IPO4: variants seen among roughly 807,000 people sequenced by gnomAD.
The protein encoded by IPO4 is importin-4.
Under a neutral mutation model 133.5 loss-of-function variants are expected in IPO4, and 91 were observed. The observed-to-expected ratio is 0.68, with a 90% CI of 0.58 to 0.81. The LOEUF is 0.81. IPO4 is among the 30% of genes least tolerant of loss of function. The probability of loss-of-function intolerance (pLI) is 0.00; values close to 1 mark genes in which losing one functional copy is unlikely to be tolerated. For missense variants in IPO4, 1,279 were observed against 1,386.2 expected (o/e 0.92, Z 1.23); for synonymous variants, 607 against 581.6 (o/e 1.04, Z -0.63).
At position 24,188,204 on chromosome 14, in the gene IPO4, G is replaced by A. The variant is rs751702978; in HGVS notation, c.278+12C>T. The A allele has an allele frequency of 1.2e-6, 2 of 1,612,142 alleles. No homozygotes were observed. Among genetic ancestry groups the A allele is most frequent in the South Asian group, 2.2e-5 (2 of 90,720 alleles). ...GTCGTCAAGATCCCGAGAGAAGTGG[G>A]TAGGTACTTACTCTGTTTCTCTCTG... On this transcript the variant is annotated intron_variant, in intron 4 of 29. Coordinates refer to ENST00000354464, the MANE Select transcript of IPO4 (RefSeq NM_024658.4).
rs770392410 is a variant in IPO4, at chr14:24,187,164, C to G, written c.589-14G>C. The G allele has an allele frequency of 8.7e-6, 14 of 1,612,800 alleles. 1 individual carries two copies. In the South Asian group the frequency reaches 1.5e-4, roughly 18 times the overall value. ...CCGAGCGAGAGGCTGAGGGACACAT[C>G]ACAGAGAGCATGATGCAGCCCAATC... On this transcript the variant is annotated splice_polypyrimidine_tract_variant and intron_variant, in intron 6 of 29. Transcript: ENST00000354464.
rs372882135 is a variant in IPO4 at position 24,181,573 on chromosome 14, C to G, written c.2985G>C (p.Leu995Phe). The change falls in exon 28 of 30, where the codon TTG (leucine) becomes TTC (phenylalanine). Residue 995 changes from leucine to phenylalanine, a missense_variant. Transcript: ENST00000354464. ...LLHALPLKED[L>F]EEWVTIGRLF... is the part of the protein sequence containing the mutation. ...GGCGCCCAATGGTGACCCACTCCTC[C>G]AAGTCCTCCTTCAGTGGCAGGGCAT... 1.8e-5 allele frequency: 29 copies of G among 1,611,354 alleles called. No individual in the cohort carries two copies. Among genetic ancestry groups the G allele is most frequent in the Non-Finnish European group, 2.3e-5 (27 of 1,178,884 alleles).
At position 24,183,494 on chromosome 14, in the gene IPO4, T is replaced by C. The variant is rs560973696; in HGVS notation, c.2083A>G (p.Met695Val). The C allele has an allele frequency of 2.2e-5, 35 of 1,613,596 alleles. No homozygotes were observed. Among genetic ancestry groups the C allele is most frequent in the Non-Finnish European group, 2.9e-5 (34 of 1,179,824 alleles). The change falls in exon 21 of 30, where the codon ATG (methionine) becomes GTG (valine). Residue 695 changes from methionine to valine, a missense_variant. Transcript: ENST00000354464. Reference protein sequence around the residue: ...VNTSVAFLPYMESVFEEVFKL... With the variant: ...VNTSVAFLPYVESVFEEVFKL... ...AATACTTCTTCAAAGACACTTTCCA[T>C]GTATGGAAGGAAGGCCACACTACAG...
chr14:24,184,038 G>A lies in IPO4; in HGVS notation c.1829C>T (p.Thr610Met), dbSNP rs753184356. ...GLAPHLEQIT[T>M]LMLLSLRSTE... Reference sequence around the variant, plus strand: ...GGAACGCAGTGACAGCAGCATGAGCGTGGTGATCTGTTCCAAGTGGGGCGC... The same window carrying A: ...GGAACGCAGTGACAGCAGCATGAGCATGGTGATCTGTTCCAAGTGGGGCGC... The change falls in exon 18 of 30, where the codon ACG becomes ATG. Residue 610 changes from threonine to methionine, a missense_variant. Coordinates refer to ENST00000354464, the MANE Select transcript of IPO4 (RefSeq NM_024658.4). 2.5e-5 allele frequency: 40 copies of A among 1,609,612 alleles called. No individual in the cohort carries two copies. The highest frequency in any genetic ancestry group is 3.4e-5 in the Non-Finnish European group (40 of 1,178,706).
Position 24,186,161 on chromosome 14 carries a change from G to C in IPO4, c.1027C>G (p.His343Asp). The C allele has an allele frequency of 6.2e-7, 1 of 1,614,010 alleles. No individual in the cohort carries two copies. Among genetic ancestry groups the C allele is most frequent in the Non-Finnish European group, 8.5e-7 (1 of 1,179,960 alleles). Residue 343 changes from histidine to aspartate, a missense_variant, in exon 11 of 30, where the codon CAC becomes GAC. His to Asp is a moderately conservative substitution (Grantham distance 81). This residue lies in a region of IPO4 where 695 missense variants were observed against 704.1 expected (regional missense o/e 0.99). Coordinates refer to ENST00000354464, the MANE Select transcript of IPO4 (RefSeq NM_024658.4). ...AVQVVDMLAL[H>D]LPPEKLCPQL... is the part of the protein sequence containing the mutation. The stretch of plus-strand genomic sequence containing the variant: ...GGACAGAGCTTCTCGGGGGGCAGGT[G>C]TAGTGCCAGCATGTCCACAACCTGA...
chr14:24,185,454 T>C lies in IPO4; in HGVS notation c.1278+5A>G. 1 of 1,613,866 alleles carries C rather than the reference T, an allele frequency of 6.2e-7. No individual in the cohort carries two copies. The highest frequency in any genetic ancestry group is 8.5e-7 in the Non-Finnish European group (1 of 1,179,718). ...GTGGTGGCTCCCACATTCAGCCTGGTTCACCTGTAGGTTTTCTGAGAACTG... is the reference window on the plus strand; with the variant it reads ...GTGGTGGCTCCCACATTCAGCCTGGCTCACCTGTAGGTTTTCTGAGAACTG... On this transcript the variant is annotated splice_donor_5th_base_variant and intron_variant, in intron 13 of 29. Coordinates refer to ENST00000354464, the MANE Select transcript of IPO4 (RefSeq NM_024658.4).
chr14:24,184,542 T>C, intron 16 of IPO4, 108 bp downstream of exon 16: 1 of 1,426,858 alleles, frequency 7.0e-7, no homozygotes, highest in Non-Finnish European at 9.4e-7. Flanking sequence ...CACACCCCTT[T>C]GATGAGAAGG....
intron 5 of IPO4, 24 bp from the exon 6 acceptor site, chr14:24,187,603 G>A (rs2039243179): frequency 1.2e-6 from 2 of 1,614,054 alleles, no homozygotes; most frequent in Non-Finnish European, 1.7e-6. Flanking sequence ...GAGGATGGGA[G>A]AGCAAGCTTA....
At chr14:24,182,522 G>T in intron 24 of IPO4, 119 bp from the exon 25 acceptor site, 1 of 1,392,150 alleles carries the variant, frequency 7.2e-7, no homozygotes, top group Non-Finnish European at 9.8e-7. Context: ...GATAGGGCTG[G>T]CCCCTCTCAA....
chr14:24,187,150 G>A lies in IPO4; in HGVS notation c.589C>T (p.Pro197Ser). Residue 197 changes from proline to serine, a missense_variant and splice_region_variant, in exon 7 of 30, where the codon CCT becomes TCT. Coordinates refer to ENST00000354464, the MANE Select transcript of IPO4 (RefSeq NM_024658.4). ...TTGGGCACCAACATCCGAGCGAGAG[G>A]CTGAGGGACACATCACAGAGAGCAT... Reference protein sequence around the residue: ...MAPYLSTEDVPLARMLVPKLI... With the variant: ...MAPYLSTEDVSLARMLVPKLI... The A allele has an allele frequency of 6.2e-7, 1 of 1,613,538 alleles. No homozygotes were observed. The highest frequency in any genetic ancestry group is 8.5e-7 in the Non-Finnish European group (1 of 1,179,646).
rs1372021939 is a variant in IPO4, at chr14:24,187,514, C to G, written c.474G>C (p.Arg158=). 6.2e-7 allele frequency: 1 copy of G among 1,614,160 alleles called. No homozygotes were observed. The highest frequency in any genetic ancestry group is 1.7e-5 in the Admixed American group (1 of 60,020). ...SRPEAFQPHH[R]ELLRLLNETL... Reference sequence around the variant, plus strand: ...TCTCATTCAGAAGCCGAAGAAGCTCCCGGTGGTGGGGTTGGAAGGCCTCGG... The same window carrying G: ...TCTCATTCAGAAGCCGAAGAAGCTCGCGGTGGTGGGGTTGGAAGGCCTCGG... The change falls in exon 6 of 30, where the codon CGG becomes CGC. Residue 158 remains arginine, a synonymous_variant. Coordinates refer to ENST00000354464, the MANE Select transcript of IPO4 (RefSeq NM_024658.4).
In IPO4 at chr14:24,185,982, T is replaced by G. The variant is rs757320913; in HGVS notation, c.1060-12A>C. ...TCCAACATGGGCATCTAGGGAAGCA[T>G]GTGGCACGCTTCTGAAACCCCAGCA... On this transcript the variant is annotated splice_polypyrimidine_tract_variant and intron_variant, in intron 11 of 29. Coordinates refer to ENST00000354464, the MANE Select transcript of IPO4 (RefSeq NM_024658.4). 1.2e-6 allele frequency: 2 copies of G among 1,612,112 alleles called. No individual in the cohort carries two copies. The highest frequency in any genetic ancestry group is 1.1e-5 in the South Asian group (1 of 91,054).
At chr14:24,181,888 C>A in intron 26 of IPO4, 45 bp from the exon 27 acceptor site, 2 of 1,604,148 alleles carry the variant, frequency 1.2e-6, no homozygotes, top group Non-Finnish European at 1.7e-6. Context: ...GTAGACCTTG[C>A]CCACCTGCAA....
rs767968161 is a variant in IPO4 at position 24,181,670 on chromosome 14, T to A, written c.2940+41A>T. On this transcript the variant is annotated intron_variant, in intron 27 of 29. Transcript: ENST00000354464. ...CTGCCCTGCCCTCCACCACCCTCCC[T>A]CCTCAGCTTCCAAGCCCTGCCTGAT... The A allele has an allele frequency of 1.9e-6, 3 of 1,611,980 alleles. No homozygotes were observed. The African/African-American group carries it at 4.0e-5, about 22-fold the overall frequency.
intron 25 of IPO4, 34 bp downstream of exon 25, chr14:24,182,244 G>A (rs1390653532): frequency 1.9e-6 from 3 of 1,614,096 alleles, no homozygotes; most frequent in Admixed American, 1.7e-5. Context: ...TGCACGAGGG[G>A]ACTAGGGCTT....
chr14:24,186,761 T>C lies in IPO4; in HGVS notation c.787A>G (p.Ile263Val), dbSNP rs1265299034. Residue 263 changes from isoleucine (I) to valine (V), a missense_variant, in exon 9 of 30, where the codon ATA (isoleucine) becomes GTA (valine). Physicochemically the swap from Ile to Val is conservative, Grantham distance 29 (BLOSUM62 3). Coordinates refer to ENST00000354464, the MANE Select transcript of IPO4 (RefSeq NM_024658.4). ...VARNVALGNAIRIRILCCLTF... is the reference protein window; with the variant it reads ...VARNVALGNAVRIRILCCLTF... The stretch of plus-strand genomic sequence containing the variant: ...AGGCAGCAGAGAATACGTATGCGTA[T>C]CGCATTGCCCAGGGCCACATTTCTA... 1 of 1,614,156 alleles carries C rather than the reference T, an allele frequency of 6.2e-7. No homozygotes were observed. The highest frequency in any genetic ancestry group is 8.5e-7 in the Non-Finnish European group (1 of 1,180,030).
chr14:24,185,240 G>C lies in IPO4; in HGVS notation c.1351C>G (p.His451Asp), dbSNP rs778290340. ...LAYLKSVPLG[H>D]THHLAKACYA... ...CAGGCCTTGGCTAGGTGGTGTGTGT[G>C]TCCAAGAGGCACCGACTTCAAGTAG... is the stretch of plus-strand genomic sequence containing the variant. The change falls in exon 14 of 30, where the codon CAC becomes GAC. Residue 451 changes from histidine to aspartate, a missense_variant. Physicochemically the swap from His to Asp is moderately conservative, Grantham distance 81. Transcript: ENST00000354464. The C allele has an allele frequency of 1.4e-5, 23 of 1,614,032 alleles. No individual in the cohort carries two copies. Among genetic ancestry groups the C allele is most frequent in the Non-Finnish European group, 3.4e-6 (4 of 1,180,028 alleles).
intron 1 of IPO4, 38 bp from the exon 2 acceptor site, chr14:24,188,676 G>T: frequency 6.3e-7 from 1 of 1,599,394 alleles, no homozygotes; most frequent in Non-Finnish European, 8.5e-7. Flanking sequence ...GGCCTTTCCC[G>T]CAACCTCCCG....
intron 28 of IPO4, 81 bp downstream of exon 28, chr14:24,181,422 GCCTGGAGCTC>G (rs1399128378): frequency 4.0e-5 from 41 of 1,015,058 alleles, no homozygotes; most frequent in Middle Eastern, 4.3e-4. Flanking sequence ...GCAACTGACA[GCCTGGAGCTC>G]CCGAGCCTCA....
Sources: gnomAD v4.1 joint callset for allele counts on GRCh38, gnomAD v4.1.1 for gene constraint, gnomAD v4.1.1 regional missense constraint, MANE v1.5 for transcripts, NCBI Gene and HGNC (gene_info 2026-07-23, HGNC 2026-07-21) for gene names.